Variants in SLX4IP observed in about 807,000 individuals in gnomAD.
SLX4IP encodes protein SLX4IP.
SLX4IP carries 34 observed loss-of-function variants against 32.9 expected under a neutral mutation model. The observed-to-expected ratio is 1.03, with a 90% CI of 0.79 to 1.38. SLX4IP has a LOEUF of 1.38. SLX4IP is among the 40% of genes most tolerant of loss of function. The probability of loss-of-function intolerance (pLI) is 0.00; values close to 1 mark genes in which losing one functional copy is unlikely to be tolerated. For synonymous variants in SLX4IP, 172 were observed against 171.7 expected (o/e 1.00, Z -0.01); for missense variants, 444 against 479.0 (o/e 0.93, Z 0.68).
chr20:10,597,558 AT>A (rs1205338257), intron 4 of SLX4IP, among the ~76,000 whole-genome samples: 2 of 152,156 alleles, frequency 1.3e-5, no homozygotes, highest in African/African-American at 4.8e-5. Context: ...TTCATGTAAC[AT>A]TATGTTTGTG....
intron 2 of SLX4IP, among the ~76,000 whole-genome samples, chr20:10,534,947 C>T (rs896700833): frequency 4.6e-5 from 7 of 152,134 alleles, no homozygotes; most frequent in South Asian, 2.1e-4. Context: ...TTGGGTGTAC[C>T]GGGATATGGT....
At chr20:10,567,565 T>C (rs2066411717) in intron 4 of SLX4IP, among the ~76,000 whole-genome samples, 1 of 152,152 alleles carries the variant, frequency 6.6e-6, no homozygotes, top group Admixed American at 6.5e-5. Flanking sequence ...AGGACGTAAA[T>C]TTCTATTCTT....
chr20:10,615,367 C>A (rs1004808468), intron 6 of SLX4IP, among the ~76,000 whole-genome samples: 2 of 152,244 alleles, frequency 1.3e-5, no homozygotes, highest in African/African-American at 4.8e-5. Context: ...GTCACTCTCT[C>A]TTGCCTCCAG....
intron 2 of SLX4IP, among the ~76,000 whole-genome samples, chr20:10,469,286 T>G (rs2065404936): frequency 6.6e-6 from 1 of 152,172 alleles, no homozygotes; most frequent in East Asian, 1.9e-4. Flanking sequence ...TCAGGGAATG[T>G]TGTAATCTTC....
chr20:10,454,101 A>C (rs6133940), intron 1 of SLX4IP, among the ~76,000 whole-genome samples: 1 of 152,272 alleles, frequency 6.6e-6, no homozygotes, highest in East Asian at 1.9e-4. Context: ...TGTTTCAGCC[A>C]AATAGGTTTT....
At chr20:10,539,987 G>A (rs746302682) in intron 2 of SLX4IP, among the ~76,000 whole-genome samples, 3 of 152,164 alleles carry the variant, frequency 2.0e-5, no homozygotes, top group African/African-American at 4.8e-5. Context: ...TGTTAGTAAC[G>A]CACATTCTCA....
chr20:10,506,432 A>G (rs1766564313), intron 2 of SLX4IP, among the ~76,000 whole-genome samples: 1 of 152,198 alleles, frequency 6.6e-6, no homozygotes, highest in Non-Finnish European at 1.5e-5. Flanking sequence ...AATTTACTGA[A>G]CACCTCAAAT....
At chr20:10,497,558 G>T (rs887500316) in intron 2 of SLX4IP, among the ~76,000 whole-genome samples, 6 of 151,838 alleles carry the variant, frequency 4.0e-5, no homozygotes, top group African/African-American at 1.2e-4. Context: ...CTTTATTTCT[G>T]CCCTATTACT....
rs2122577828 is a variant in SLX4IP, at chr20:10,625,388, A to G, written c.*2009A>G. On this transcript the variant is annotated 3_prime_UTR_variant, in exon 8 of 8. Transcript: ENST00000334534. ...AAAAAGACGGCTGTACTAGAACAGT[A>G]GCCACTGCCTGCTCCAGAACTAGGG... 6.6e-6 allele frequency: 1 copy of G among 152,368 alleles called. No individual in the cohort carries two copies. Among genetic ancestry groups the G allele is most frequent in the East Asian group, 1.9e-4 (1 of 5,188 alleles). The allele number at this position is 152,368 out of a possible 1,614,324, so 9.4% of individuals were successfully genotyped here.
At chr20:10,452,216 G>C (rs1163358429) in intron 1 of SLX4IP, among the ~76,000 whole-genome samples, 1 of 151,892 alleles carries the variant, frequency 6.6e-6, no homozygotes, top group Non-Finnish European at 1.5e-5. Flanking sequence ...TCTTCAGTTT[G>C]GGGCAGAGTT....
chr20:10,490,610 T>G (rs544608992), intron 2 of SLX4IP, among the ~76,000 whole-genome samples: 1 of 152,306 alleles, frequency 6.6e-6, no homozygotes, highest in Non-Finnish European at 1.5e-5. Context: ...ATTTTATTTC[T>G]TTGTGCCTTT....
At chr20:10,506,263 T>C (rs940485932) in intron 2 of SLX4IP, among the ~76,000 whole-genome samples, 7 of 152,214 alleles carry the variant, frequency 4.6e-5, no homozygotes, top group Non-Finnish European at 1.0e-4. Flanking sequence ...ATAATTATTT[T>C]TGCATCGCGA....
intron 2 of SLX4IP, among the ~76,000 whole-genome samples, chr20:10,490,086 A>G (rs926669695): frequency 6.6e-6 from 1 of 152,158 alleles, no homozygotes; most frequent in African/African-American, 2.4e-5. Flanking sequence ...CACACCTTGG[A>G]AAAACTCTAT....
chr20:10,595,942 T>C (rs996839401), intron 4 of SLX4IP, among the ~76,000 whole-genome samples: 2 of 152,242 alleles, frequency 1.3e-5, no homozygotes, highest in South Asian at 4.1e-4. Context: ...AACAAGATGC[T>C]ATTTAGAAAT....
intron 2 of SLX4IP, among the ~76,000 whole-genome samples, chr20:10,518,457 TC>T (rs1315134644): frequency 9.1e-5 from 4 of 43,734 alleles, no homozygotes; most frequent in Admixed American, 2.4e-4. Flanking sequence ...CTTCCTTCCT[TC>T]CTTCCTTTCC....
At chr20:10,487,529 A>G (rs766750391) in intron 2 of SLX4IP, among the ~76,000 whole-genome samples, 11 of 152,186 alleles carry the variant, frequency 7.2e-5, no homozygotes, top group African/African-American at 2.4e-4. Flanking sequence ...GCAAAGTGCC[A>G]CTGCCGGGAT....
intron 3 of SLX4IP, among the ~76,000 whole-genome samples, chr20:10,559,244 G>A (rs1214477031): frequency 6.6e-6 from 1 of 152,154 alleles, no homozygotes; most frequent in African/African-American, 2.4e-5. Flanking sequence ...TCTTTAGGCT[G>A]CAACATGAAA....
intron 2 of SLX4IP, among the ~76,000 whole-genome samples, chr20:10,536,557 T>A (rs1161357056): frequency 2.6e-5 from 4 of 152,190 alleles, no homozygotes; most frequent in Non-Finnish European, 4.4e-5. Context: ...TGCAGGCAGT[T>A]TCCTAAGGTC....
intron 6 of SLX4IP, chr20:10,613,556 C>G (rs1244303893): frequency 1.9e-6 from 3 of 1,612,160 alleles, no homozygotes; most frequent in Non-Finnish European, 2.5e-6. Flanking sequence ...TTTGTCTGCT[C>G]TGAATGGCTG....
Sources: allele counts gnomAD v4.1 joint callset (sites outside exome capture counted in the v4.1 genomes callset), GRCh38; gene constraint gnomAD v4.1.1; transcripts MANE v1.5; gene names NCBI Gene and HGNC (gene_info 2026-07-23, HGNC 2026-07-21).